Variants in RHBDL2 observed in about 807,000 individuals in gnomAD.
RHBDL2 encodes the protein rhomboid-related protein 2.
RHBDL2 carries 26 observed loss-of-function variants against 31.7 expected under a neutral mutation model. The ratio of observed to expected loss-of-function variants is 0.82; its 90% CI spans 0.60 to 1.14. The LOEUF (loss-of-function observed/expected upper bound fraction) is 1.14, where lower values mean the gene tolerates loss of function less well. RHBDL2 is among the 50% of genes most tolerant of loss of function. RHBDL2 has a pLI of 0.00. For synonymous variants in RHBDL2, 123 were observed against 127.2 expected, an observed-to-expected ratio of 0.97 and a Z score of 0.22; for missense variants, 336 against 364.4, an observed-to-expected ratio of 0.92 and a Z score of 0.63.
At chr1:38,900,334 C>A (rs979351825) in intron 4 of RHBDL2, among the ~76,000 whole-genome samples, 2 of 152,004 alleles carry the variant, frequency 1.3e-5, no homozygotes, top group Admixed American at 6.6e-5. Flanking sequence ...ACACAAGAAC[C>A]CCCTGGGCCG....
At chr1:38,907,046 G>A (rs1643075288) in intron 4 of RHBDL2, among the ~76,000 whole-genome samples, 1 of 152,180 alleles carries the variant, frequency 6.6e-6, no homozygotes, top group Non-Finnish European at 1.5e-5. Flanking sequence ...AGTTTTGGTG[G>A]AGGGATAGAC....
intron 4 of RHBDL2, among the ~76,000 whole-genome samples, chr1:38,903,805 T>C (rs1038391161): frequency 6.6e-6 from 1 of 152,200 alleles, no homozygotes; most frequent in Admixed American, 6.5e-5. Context: ...CCTGATTTCA[T>C]GACCAAAAGT....
intron 3 of RHBDL2, among the ~76,000 whole-genome samples, chr1:38,912,928 G>A (rs1643174311): frequency 8.1e-6 from 1 of 122,938 alleles, no homozygotes. Context: ...GTGTGTGTGT[G>A]TGTGTGTGTG....
At position 38,912,883 on chromosome 1, in the gene RHBDL2, CATATAT is replaced by C. The variant is rs141150431; in HGVS notation, c.396-1455_396-1450del. The stretch of plus-strand genomic sequence containing the variant: ...AGGAAGCTAAGTAACTACCATATAC[CATATAT>C]ATATATATATATATATATATATGTG... On this transcript the variant is annotated intron_variant, in intron 3 of 7. Transcript: ENST00000372990. Among the ~76,000 whole-genome samples the C allele has an allele frequency of 2.6e-3, 277 of 106,566 alleles. 4 individuals are homozygous for C. The highest frequency in any genetic ancestry group is 0.01 in the African/African-American group (211 of 20,414). 69.9% of individuals were successfully genotyped at this position (106,566 alleles called of 152,430 possible). A position where few individuals can be genotyped will look rare whatever the true frequency, so the allele number is the denominator to read the frequency against.
chr1:38,928,409 T>A (rs1386350435), intron 1 of RHBDL2, among the ~76,000 whole-genome samples: 2 of 151,098 alleles, frequency 1.3e-5, no homozygotes, highest in South Asian at 2.1e-4. Context: ...CCCAAAGTGC[T>A]GGGATTACAG....
At chr1:38,899,364 G>C (rs1313357573) in intron 4 of RHBDL2, among the ~76,000 whole-genome samples, 1 of 152,160 alleles carries the variant, frequency 6.6e-6, no homozygotes, top group Middle Eastern at 3.2e-3. Flanking sequence ...TGCCCTCGTG[G>C]CCACCTTACC....
At chr1:38,923,405 G>A (rs1001453848) in intron 1 of RHBDL2, among the ~76,000 whole-genome samples, 7 of 152,154 alleles carry the variant, frequency 4.6e-5, no homozygotes, top group Non-Finnish European at 8.8e-5. Flanking sequence ...CTAATTCATG[G>A]GTAGTTCTTC....
intron 6 of RHBDL2, among the ~76,000 whole-genome samples, chr1:38,892,093 A>G (rs1642862049): frequency 6.6e-6 from 1 of 152,130 alleles, no homozygotes; most frequent in Admixed American, 6.6e-5. Context: ...AACCTCCTTT[A>G]GCATGTGATT....
intron 3 of RHBDL2, among the ~76,000 whole-genome samples, 186 bp from the exon 4 acceptor site, chr1:38,911,620 G>A (rs1050938060): frequency 7.3e-5 from 8 of 109,068 alleles, no homozygotes; most frequent in African/African-American, 1.7e-4. Context: ...GTGTGTGTGT[G>A]TGTGTGTGTG....
intron 4 of RHBDL2, among the ~76,000 whole-genome samples, chr1:38,902,046 A>G (rs1032308745): frequency 6.6e-6 from 1 of 151,554 alleles, no homozygotes; most frequent in African/African-American, 2.4e-5. Flanking sequence ...CCCAACAACA[A>G]CTGATCTCAC....
chr1:38,915,015 C>T (rs1480762290), intron 3 of RHBDL2, among the ~76,000 whole-genome samples: 1 of 147,342 alleles, frequency 6.8e-6, no homozygotes, highest in Non-Finnish European at 1.5e-5. Flanking sequence ...GTGACAAGAG[C>T]GAGACTCCAT....
chr1:38,915,152 G>A (rs1224946269), intron 3 of RHBDL2, among the ~76,000 whole-genome samples: 1 of 146,772 alleles, frequency 6.8e-6, no homozygotes, highest in Non-Finnish European at 1.5e-5. Context: ...TTTTTTTTGA[G>A]ATGGAGTCTC....
chr1:38,903,741 T>C (rs1353468980), intron 4 of RHBDL2, among the ~76,000 whole-genome samples: 1 of 152,098 alleles, frequency 6.6e-6, no homozygotes, highest in Non-Finnish European at 1.5e-5. Flanking sequence ...ATACAAAGGA[T>C]TTAGAATAGC....
intron 1 of RHBDL2, among the ~76,000 whole-genome samples, chr1:38,927,154 G>A (rs530255459): frequency 1.3e-5 from 2 of 151,256 alleles, no homozygotes; most frequent in South Asian, 2.1e-4. Flanking sequence ...CGGGCAGGGC[G>A]CGGTGGCTCA....
At chr1:38,912,898 ATATATATATATATGTGTG>A (rs1286392994) in intron 3 of RHBDL2, among the ~76,000 whole-genome samples, 62 of 84,242 alleles carry the variant, frequency 7.4e-4, no homozygotes, top group Non-Finnish European at 1.1e-3. Flanking sequence ...ATATATATAT[ATATATATATATATGTGTG>A]TGTGTGTGTG....
At chr1:38,912,626 A>T (rs1216303331) in intron 3 of RHBDL2, among the ~76,000 whole-genome samples, 3 of 150,802 alleles carry the variant, frequency 2.0e-5, no homozygotes, top group Non-Finnish European at 4.4e-5. Flanking sequence ...TCACCGTGTC[A>T]CCCAGGCTGG....
chr1:38,894,923 T>C (rs994506569), intron 5 of RHBDL2, among the ~76,000 whole-genome samples: 1 of 152,146 alleles, frequency 6.6e-6, no homozygotes, highest in Non-Finnish European at 1.5e-5. Flanking sequence ...GCCTGGATGG[T>C]CTCGATCTCT....
chr1:38,929,574 G>A, intron 1 of RHBDL2: 1 of 1,287,628 alleles, frequency 7.8e-7, no homozygotes, highest in South Asian at 1.2e-5. Flanking sequence ...CCCATTCATT[G>A]GTACCAGGCA....
At position 38,905,030 on chromosome 1, in the gene RHBDL2, C is replaced by CA. The variant is rs536905332; in HGVS notation, c.508+6291dup. Among the ~76,000 whole-genome samples, 37 of 149,552 alleles carry CA rather than the reference C, an allele frequency of 2.5e-4. No individual in the cohort carries two copies. The East Asian group carries it at 4.1e-3, about 17-fold the overall frequency. The stretch of plus-strand genomic sequence containing the variant: ...TGGGCAACAGAGCGAGACTCCGTCT[C>CA]AAAAAAAATAAAAATAAAAATAAAA... On this transcript the variant is annotated intron_variant, in intron 4 of 7. Coordinates refer to ENST00000372990, the MANE Select transcript of RHBDL2 (RefSeq NM_017821.5).
Sources: allele counts gnomAD v4.1 joint callset (sites outside exome capture counted in the v4.1 genomes callset), GRCh38; gene constraint gnomAD v4.1.1; transcripts MANE v1.5; gene names NCBI Gene and HGNC (gene_info 2026-07-23, HGNC 2026-07-21).